The following MAGEA11 variants were observed in gnomAD, a reference collection of about 807,000 sequenced individuals.
MAGEA11 encodes the protein melanoma-associated antigen 11.
Under a neutral mutation model 8.4 loss-of-function variants are expected in MAGEA11, and 1 was observed. That is an observed-to-expected ratio of 0.12 (90% CI 0.04 to 0.57). MAGEA11 has a LOEUF of 0.57. Among genes scored for constraint, MAGEA11 ranks in the 20% least tolerant of loss-of-function variants. The pLI, the probability that MAGEA11 is intolerant of heterozygous loss-of-function variation, is 0.91. For synonymous variants in MAGEA11, 127 were observed against 119.3 expected (o/e 1.06, Z -0.42); for missense variants, 209 against 317.3 (o/e 0.66, Z 2.59).
rs942704815 is a variant in MAGEA11 at position 149,717,085 on chromosome X, T to G, written c.*309T>G. The stretch of plus-strand genomic sequence containing the variant: ...CAACATCTAAGTGTATGGATGATAC[T>G]GACCACACATGTTGTTTTGCTTATC... On this transcript the variant is annotated 3_prime_UTR_variant, in exon 5 of 5. Coordinates refer to ENST00000355220, the MANE Select transcript of MAGEA11 (RefSeq NM_005366.5). 1 of 197,875 alleles carries G rather than the reference T, an allele frequency of 5.1e-6. No homozygotes were observed. The highest frequency in any genetic ancestry group is 6.9e-5 in the Admixed American group (1 of 14,403). The allele number at this position is 197,875 out of a possible 1,213,427, so 16.3% of individuals were successfully genotyped here.
rs782700466 is a variant in MAGEA11 at position 149,714,581 on chromosome X, G to A, written c.192+5G>A. The A allele has an allele frequency of 1.7e-6, 2 of 1,209,151 alleles. No individual in the cohort carries two copies. The highest frequency in any genetic ancestry group is 2.2e-6 in the Non-Finnish European group (2 of 894,186). ...CAGGATCTGCCAAGAGTCCAGGTGAGAAACCTGAGGGAGGATTGAGGGTTC... is the reference window on the plus strand; with the variant it reads ...CAGGATCTGCCAAGAGTCCAGGTGAAAAACCTGAGGGAGGATTGAGGGTTC... On this transcript the variant is annotated splice_donor_5th_base_variant and intron_variant, in intron 3 of 4. Coordinates refer to ENST00000355220, the MANE Select transcript of MAGEA11 (RefSeq NM_005366.5).
rs145658260 is a variant in MAGEA11 at position 149,706,556 on chromosome X, A to G, written c.10-7925A>G. On this transcript the variant is annotated intron_variant, in intron 1 of 3. Coordinates refer to the MAGEA11 transcript ENST00000333104. ...TTTATTATTTACCAACCCCTAGGAA[A>G]CTCACCAAATGGCTACCTCATCTTC... Among the ~76,000 whole-genome samples the G allele has an allele frequency of 4.6e-3, 522 of 112,703 alleles. 6 individuals carry two copies. Among genetic ancestry groups the G allele is most frequent in the African/African-American group, 0.016 (488 of 31,062 alleles).
At chrX:149,711,602 G>A (rs1201332209), upstream of MAGEA11, among the ~76,000 whole-genome samples, 2 of 111,773 alleles carry the variant, frequency 1.8e-5, no homozygotes, top group East Asian at 2.8e-4. Flanking sequence ...CTTCATGAAA[G>A]AACCAGTAGC....
upstream of MAGEA11, among the ~76,000 whole-genome samples, chrX:149,707,661 AT>A (rs1290887499): frequency 8.9e-6 from 1 of 112,195 alleles, no homozygotes. Context: ...GTATCCTCTA[AT>A]AAAAAACGAC....
chrX:149,688,538 A>G (rs1173325887), upstream of MAGEA11, among the ~76,000 whole-genome samples: 1 of 111,480 alleles, frequency 9.0e-6, no homozygotes, highest in Non-Finnish European at 1.9e-5. Context: ...AACCAAAGAC[A>G]ACAGGACAAA....
chrX:149,705,379 T>C (rs1429338839), intron 1 of MAGEA11, among the ~76,000 whole-genome samples: 3 of 112,104 alleles, frequency 2.7e-5, no homozygotes, highest in African/African-American at 9.7e-5. Context: ...ACAAGCTCTC[T>C]TTGCCTGCCG....
upstream of MAGEA11, among the ~76,000 whole-genome samples, chrX:149,711,561 G>C (rs1420861119): frequency 9.0e-6 from 1 of 111,681 alleles, no homozygotes; most frequent in African/African-American, 3.3e-5. Flanking sequence ...ATGCTCAGAG[G>C]TGACAGAAAC....
At chrX:149,704,624 T>G (rs1448641448) in intron 1 of MAGEA11, among the ~76,000 whole-genome samples, 1 of 111,943 alleles carries the variant, frequency 8.9e-6, no homozygotes, top group African/African-American at 3.2e-5. Flanking sequence ...CCAGGAAGAC[T>G]TCCATTGACC....
At chrX:149,708,993 A>T (rs1557361699), upstream of MAGEA11, among the ~76,000 whole-genome samples, 1 of 109,225 alleles carries the variant, frequency 9.2e-6, no homozygotes, top group Non-Finnish European at 1.9e-5. Flanking sequence ...TATTTTATAA[A>T]AAAAAAAAAA....
chrX:149,715,002 G>C (rs1179669200), intron 3 of MAGEA11, among the ~76,000 whole-genome samples: 7 of 111,889 alleles, frequency 6.3e-5, no homozygotes, highest in African/African-American at 2.0e-4. Context: ...GCCAAGATAG[G>C]CATCAAGATG....
intron 1 of MAGEA11, among the ~76,000 whole-genome samples, chrX:149,701,707 G>A (rs1402466107): frequency 1.8e-5 from 2 of 110,382 alleles, no homozygotes; most frequent in Admixed American, 9.7e-5. Flanking sequence ...TAGGTCTAAC[G>A]TTTAAGTCTT....
chrX:149,711,343 A>C (rs782266899), upstream of MAGEA11, among the ~76,000 whole-genome samples: 13 of 112,257 alleles, frequency 1.2e-4, no homozygotes, highest in Admixed American at 1.2e-3. Context: ...GGACTTCCGC[A>C]AATTTCTTGC....
rs782391251 is a variant in MAGEA11, at chrX:149,715,592, T to G, written c.193-12T>G. On this transcript the variant is annotated splice_polypyrimidine_tract_variant and intron_variant, in intron 3 of 4. Transcript: ENST00000355220. Reference sequence around the variant, plus strand: ...GCTGCATCTTGAGCAGCCTTCTCACTTCCTTTTTCAGGTTTTTAGAGAACA... The same window carrying G: ...GCTGCATCTTGAGCAGCCTTCTCACGTCCTTTTTCAGGTTTTTAGAGAACA... 6 of 1,184,436 alleles carry G rather than the reference T, an allele frequency of 5.1e-6. No individual in the cohort carries two copies. In the South Asian group the frequency reaches 1.1e-4, roughly 21 times the overall value.
chrX:149,692,095 AT>A (rs201463359), intron 1 of MAGEA11, among the ~76,000 whole-genome samples: 10 of 109,128 alleles, frequency 9.2e-5, no homozygotes, highest in East Asian at 2.9e-4. Context: ...CAAAGAAAAT[AT>A]TTTTTTTTTG....
intron 1 of MAGEA11, among the ~76,000 whole-genome samples, chrX:149,702,813 A>T (rs189824881): frequency 9.0e-6 from 1 of 111,406 alleles, no homozygotes; most frequent in East Asian, 2.8e-4. Flanking sequence ...TACCATTTTA[A>T]TCCCATTGCC....
chrX:149,693,279 C>T (rs1557360296), intron 1 of MAGEA11, among the ~76,000 whole-genome samples: 1 of 111,887 alleles, frequency 8.9e-6, no homozygotes, highest in African/African-American at 3.3e-5. Context: ...TGGAATGTAT[C>T]TTATTCAGCT....
chrX:149,699,742 G>A (rs5940670), intron 1 of MAGEA11, among the ~76,000 whole-genome samples: 34,268 of 109,888 alleles, frequency 0.31, 4,885 homozygotes, highest in East Asian at 0.95. Flanking sequence ...TTTTGATGTA[G>A]CCTGTTCAGG....
At chrX:149,701,923 T>C (rs2090355729) in intron 1 of MAGEA11, among the ~76,000 whole-genome samples, 1 of 112,037 alleles carries the variant, frequency 8.9e-6, no homozygotes, top group Non-Finnish European at 1.9e-5. Context: ...TCCATTGATC[T>C]ATATCTCTGT....
chrX:149,700,997 G>C (rs1557360966), intron 1 of MAGEA11, among the ~76,000 whole-genome samples: 1 of 108,572 alleles, frequency 9.2e-6, no homozygotes, highest in Non-Finnish European at 1.9e-5. Flanking sequence ...CCAAGTCTTT[G>C]CTATTGTGAA....
Sources: allele counts gnomAD v4.1 joint callset (sites outside exome capture counted in the v4.1 genomes callset), GRCh38; gene constraint gnomAD v4.1.1; transcripts MANE v1.5; gene names NCBI Gene and HGNC (gene_info 2026-07-23, HGNC 2026-07-21).